PRSS23: variants seen among roughly 807,000 people sequenced by gnomAD.
The protein encoded by PRSS23 is serine protease 23.
A neutral mutation model predicts 34.7 loss-of-function variants in PRSS23; 25 were observed. The observed-to-expected ratio is 0.72, with a 90% CI of 0.53 to 1.01. The LOEUF (loss-of-function observed/expected upper bound fraction) is 1.01, where lower values mean the gene tolerates loss of function less well. PRSS23 is among the 50% of genes least tolerant of loss of function. PRSS23 has a pLI of 0.00. For missense variants in PRSS23, 445 were observed against 475.6 expected (o/e 0.94, Z 0.60); for synonymous variants, 176 against 186.6 (o/e 0.94, Z 0.46).
At chr11:86,944,059 C>T (rs1032218517) in intron 2 of PRSS23, among the ~76,000 whole-genome samples, 3 of 151,994 alleles carry the variant, frequency 2.0e-5, no homozygotes, top group Non-Finnish European at 2.9e-5. Flanking sequence ...TTTATTCTTA[C>T]ACAGTTCTGG....
chr11:86,814,886 G>A (rs1446676812), downstream of PRSS23, among the ~76,000 whole-genome samples: 1 of 152,170 alleles, frequency 6.6e-6, no homozygotes, highest in Non-Finnish European at 1.5e-5. Context: ...GAAAGTGCAG[G>A]GTGACTCTTC....
chr11:86,876,993 G>A (rs972534384), intron 2 of PRSS23, among the ~76,000 whole-genome samples: 6 of 152,106 alleles, frequency 3.9e-5, no homozygotes, highest in South Asian at 2.1e-4. Flanking sequence ...CTACCTGCAC[G>A]GCTGAGCCCT....
chr11:86,862,741 T>G (rs1232334526), intron 2 of PRSS23, among the ~76,000 whole-genome samples: 3 of 151,946 alleles, frequency 2.0e-5, no homozygotes, highest in Non-Finnish European at 4.4e-5. Context: ...CCCTTTTATA[T>G]TCTTCCTAAT....
downstream of PRSS23, among the ~76,000 whole-genome samples, chr11:86,815,970 T>A (rs549342335): frequency 8.5e-5 from 13 of 152,282 alleles, no homozygotes; most frequent in African/African-American, 2.9e-4. Flanking sequence ...AAAGACCTGA[T>A]CAGGCCCCTC....
At chr11:86,891,738 G>A (rs533788138) in intron 2 of PRSS23, among the ~76,000 whole-genome samples, 18 of 152,268 alleles carry the variant, frequency 1.2e-4, no homozygotes, top group African/African-American at 3.6e-4. Flanking sequence ...GGGACCAGGT[G>A]GAGGTAATTG....
At position 86,862,244 on chromosome 11, in the gene PRSS23, C is replaced by A. The variant is rs138998980; in HGVS notation, c.206+38651C>A. ...CCTAATTTCACAGTGGGTGTACACC[C>A]TGTGATATTATTTGTAATATCCTTG... On this transcript the variant is annotated intron_variant, in intron 2 of 2. Transcript: ENST00000533902. Among the ~76,000 whole-genome samples, 666 of 152,056 alleles carry A rather than the reference C, an allele frequency of 4.4e-3. 3 individuals are homozygous for A. Among genetic ancestry groups the A allele is most frequent in the Non-Finnish European group, 8.0e-3 (543 of 67,926 alleles).
Position 86,952,118 on chromosome 11 carries a change from C to T in PRSS23, c.*833C>T, listed in dbSNP as rs374499509. The T allele has an allele frequency of 6.8e-6, 11 of 1,613,774 alleles. No homozygotes were observed. The highest frequency in any genetic ancestry group is 5.3e-5 in the African/African-American group (4 of 74,908). ...GATATCAGTGAACTCCTTGGCTGAG[C>T]GGCTGTATAAGCCAGCATCATAGCC... On this transcript the variant is annotated 3_prime_UTR_variant, in exon 3 of 3. Transcript: ENST00000533902.
intron 2 of PRSS23, chr11:86,947,414 A>G (rs1389826138): frequency 6.6e-6 from 1 of 152,316 alleles, no homozygotes; most frequent in Non-Finnish European, 1.5e-5. Context: ...TTGGTTCTCA[A>G]TACAATAAGC....
At chr11:86,820,954 G>C (rs752103291) in intron 1 of PRSS23, among the ~76,000 whole-genome samples, 3 of 152,066 alleles carry the variant, frequency 2.0e-5, no homozygotes, top group Non-Finnish European at 4.4e-5. Flanking sequence ...GTGCCACACT[G>C]GTGAATATAC....
chr11:86,820,362 C>T (rs1759425412), intron 1 of PRSS23, among the ~76,000 whole-genome samples: 1 of 152,054 alleles, frequency 6.6e-6, no homozygotes, highest in South Asian at 2.1e-4. Flanking sequence ...TATAAGCCAC[C>T]ACTAACTCAC....
chr11:86,903,577 G>A (rs1052754973), intron 2 of PRSS23, among the ~76,000 whole-genome samples: 7 of 150,158 alleles, frequency 4.7e-5, no homozygotes, highest in Admixed American at 2.7e-4. Flanking sequence ...CCACCTCCTG[G>A]GTTCATGCCA....
intron 2 of PRSS23, among the ~76,000 whole-genome samples, chr11:86,930,324 G>C (rs1330365350): frequency 2.6e-5 from 4 of 152,140 alleles, no homozygotes; most frequent in African/African-American, 9.7e-5. Context: ...AATATATGCA[G>C]TTTGTAAAAT....
At chr11:86,940,270 G>A (rs11234888) in intron 2 of PRSS23, among the ~76,000 whole-genome samples, 35,950 of 152,110 alleles carry the variant, frequency 0.24, 5,334 homozygotes, top group Middle Eastern at 0.36. Flanking sequence ...GGCCTCTGGC[G>A]TTATTTATCT....
downstream of PRSS23, among the ~76,000 whole-genome samples, chr11:86,815,773 A>G (rs1255645521): frequency 2.6e-5 from 4 of 152,218 alleles, no homozygotes; most frequent in Non-Finnish European, 4.4e-5. Context: ...CTGTCATGAC[A>G]TAGATCCTCT....
intron 2 of PRSS23, among the ~76,000 whole-genome samples, chr11:86,867,759 C>A (rs571381895): frequency 6.6e-6 from 1 of 151,472 alleles, no homozygotes; most frequent in South Asian, 2.1e-4. Context: ...TGCTTATAGT[C>A]CCAGCTACTT....
chr11:86,934,263 T>G (rs1481323327), intron 2 of PRSS23: 1 of 152,250 alleles, frequency 6.6e-6, no homozygotes, highest in African/African-American at 2.4e-5. Flanking sequence ...CCAAGTAAGT[T>G]TAACAAGGTG....
chr11:86,898,272 T>C (rs1476154096), intron 2 of PRSS23, among the ~76,000 whole-genome samples: 1 of 152,188 alleles, frequency 6.6e-6, no homozygotes, highest in African/African-American at 2.4e-5. Flanking sequence ...ACAATCATAG[T>C]GAAGAAGGCC....
intron 2 of PRSS23, among the ~76,000 whole-genome samples, chr11:86,940,305 T>C (rs986305849): frequency 2.0e-5 from 3 of 152,192 alleles, no homozygotes; most frequent in Non-Finnish European, 4.4e-5. Context: ...AGGGGTGTGC[T>C]GTATCGGGTG....
chr11:86,939,420 A>AT (rs1316018375), intron 2 of PRSS23, among the ~76,000 whole-genome samples: 3 of 83,722 alleles, frequency 3.6e-5, no homozygotes, highest in African/African-American at 1.1e-4. Flanking sequence ...ATATATATAT[A>AT]TATATATTTT....
Sources: allele counts gnomAD v4.1 joint callset (sites outside exome capture counted in the v4.1 genomes callset), GRCh38; gene constraint gnomAD v4.1.1; transcripts MANE v1.5; gene names NCBI Gene and HGNC (gene_info 2026-07-23, HGNC 2026-07-21).